SGCD: variants seen among roughly 807,000 people sequenced by gnomAD.
The protein encoded by SGCD is delta-sarcoglycan.
SGCD carries 18 observed loss-of-function variants against 36.6 expected under a neutral mutation model. The ratio of observed to expected loss-of-function variants is 0.49; its 90% confidence interval spans 0.34 to 0.73. The LOEUF (loss-of-function observed/expected upper bound fraction) is 0.73, where lower values mean the gene tolerates loss of function less well. Among genes scored for constraint, SGCD ranks in the 30% least tolerant of loss-of-function variants. The pLI, the probability that SGCD is intolerant of heterozygous loss-of-function variation, is 0.01. For synonymous variants in SGCD, 133 were observed against 130.6 expected (o/e 1.02, Z -0.12); for missense variants, 387 against 346.7 (o/e 1.12, Z -0.92).
intron 3 of SGCD, among the ~76,000 whole-genome samples, chr5:156,380,569 G>C (rs1430646981): frequency 9.2e-5 from 14 of 152,214 alleles, no homozygotes; most frequent in Admixed American, 9.2e-4. Flanking sequence ...CTTGTGTTTA[G>C]AAGTAGTGAT....
chr5:156,248,335 C>G (rs1202149233), intron 3 of SGCD, among the ~76,000 whole-genome samples: 2 of 152,098 alleles, frequency 1.3e-5, no homozygotes, highest in East Asian at 3.9e-4. Flanking sequence ...TCCTGGCCAA[C>G]ATGGTGAAAC....
intron 3 of SGCD, among the ~76,000 whole-genome samples, chr5:156,144,438 T>A (rs1762662182): frequency 6.6e-6 from 1 of 152,204 alleles, no homozygotes; most frequent in Non-Finnish European, 1.5e-5. Context: ...TTCTAACTGG[T>A]GTGAGATGGT....
At chr5:156,425,013 A>G (rs1358815545) in intron 3 of SGCD, among the ~76,000 whole-genome samples, 4 of 152,008 alleles carry the variant, frequency 2.6e-5, no homozygotes, top group East Asian at 1.9e-4. Flanking sequence ...CATAAACCCT[A>G]TTGTCGAGGA....
At chr5:155,907,780 A>ATTTTTTGAAATAAAT (rs1756549934) in intron 1 of SGCD, among the ~76,000 whole-genome samples, 1 of 152,176 alleles carries the variant, frequency 6.6e-6, no homozygotes, top group African/African-American at 2.4e-5. Flanking sequence ...TTTTGAAATA[A>ATTTTTTGAAATAAAT]CTAGAAAAGA....
chr5:156,166,788 A>G (rs545218249), intron 3 of SGCD, among the ~76,000 whole-genome samples: 1 of 152,120 alleles, frequency 6.6e-6, no homozygotes, highest in Non-Finnish European at 1.5e-5. Flanking sequence ...CCCACACATT[A>G]CTCAAACACT....
chr5:155,783,900 T>C, the SGCD span, among the ~76,000 whole-genome samples: 10 of 152,152 alleles, frequency 6.6e-5, no homozygotes, highest in African/African-American at 1.4e-4. Flanking sequence ...AGGTTGAACA[T>C]GGAGAGAAGG....
intron 3 of SGCD, among the ~76,000 whole-genome samples, chr5:156,153,670 T>C (rs1410419899): frequency 1.3e-5 from 2 of 151,588 alleles, no homozygotes; most frequent in Non-Finnish European, 2.9e-5. Flanking sequence ...CCTTGGGTGA[T>C]TTTGTAGCCA....
chr5:156,656,941 G>C (rs1267878307), intron 7 of SGCD, among the ~76,000 whole-genome samples: 1 of 152,118 alleles, frequency 6.6e-6, no homozygotes, highest in Non-Finnish European at 1.5e-5. Context: ...TAGTAAATCT[G>C]AACTCCTTTG....
At chr5:156,361,264 T>A (rs1343323718) in intron 3 of SGCD, among the ~76,000 whole-genome samples, 1 of 152,218 alleles carries the variant, frequency 6.6e-6, no homozygotes, top group Non-Finnish European at 1.5e-5. Context: ...AGAAAAATCT[T>A]GCACCAAAAG....
intron 3 of SGCD, among the ~76,000 whole-genome samples, chr5:156,383,491 G>A (rs1771108397): frequency 6.6e-6 from 1 of 152,018 alleles, no homozygotes. Flanking sequence ...GTGACAGGGT[G>A]AGGCTCCATC....
At chr5:156,087,812 A>C (rs1031624209) in intron 1 of SGCD, among the ~76,000 whole-genome samples, 6 of 152,116 alleles carry the variant, frequency 3.9e-5, no homozygotes, top group Non-Finnish European at 8.8e-5. Flanking sequence ...GGGATGGAGG[A>C]ACATAGAAGC....
the SGCD span, among the ~76,000 whole-genome samples, chr5:155,767,107 A>G: frequency 6.6e-6 from 1 of 152,178 alleles, no homozygotes; most frequent in African/African-American, 2.4e-5. Flanking sequence ...GCACATGTGA[A>G]TGCTAAAAAT....
In SGCD at chr5:156,087,273, A is replaced by C. The variant is rs143421113; in HGVS notation, c.-281-30605A>C. Among the ~76,000 whole-genome samples, 47 of 152,268 alleles carry C rather than the reference A, an allele frequency of 3.1e-4. 1 individual carries two copies. In the East Asian group the frequency reaches 7.9e-3, roughly 26 times the overall value. On this transcript the variant is annotated intron_variant, in intron 1 of 9. Coordinates refer to the SGCD transcript ENST00000517913. ...TTTAGGGCTAATGAGATATTTCCCA[A>C]GTTGTCTAGAATGTATTATATAACA... is the stretch of plus-strand genomic sequence containing the variant.
intron 1 of SGCD, among the ~76,000 whole-genome samples, chr5:155,894,193 A>G (rs982209863): frequency 6.6e-6 from 1 of 152,220 alleles, no homozygotes; most frequent in Non-Finnish European, 1.5e-5. Context: ...TTTCTTCAGT[A>G]AGAAATTAAC....
At chr5:156,168,667 T>C (rs1267151902) in intron 3 of SGCD, among the ~76,000 whole-genome samples, 2 of 152,228 alleles carry the variant, frequency 1.3e-5, no homozygotes, top group African/African-American at 2.4e-5. Flanking sequence ...TATTCAATTG[T>C]ATTTGTTCAT....
intron 7 of SGCD, among the ~76,000 whole-genome samples, chr5:156,703,623 A>C (rs1245510627): frequency 6.6e-6 from 1 of 152,214 alleles, no homozygotes; most frequent in African/African-American, 2.4e-5. Context: ...TGAATCATTT[A>C]TTCTTTTACT....
chr5:155,768,358 C>T, the SGCD span, among the ~76,000 whole-genome samples: 22 of 151,892 alleles, frequency 1.4e-4, no homozygotes, highest in African/African-American at 5.3e-4. Context: ...CCACTCATTC[C>T]TGCATTCATC....
chr5:156,186,831 A>G (rs1234899072), intron 3 of SGCD, among the ~76,000 whole-genome samples: 2 of 152,120 alleles, frequency 1.3e-5, no homozygotes, highest in Non-Finnish European at 2.9e-5. Context: ...ATTTTTATCC[A>G]ATTTGCTATG....
At chr5:156,581,825 G>A (rs1760274977) in intron 4 of SGCD, among the ~76,000 whole-genome samples, 1 of 152,204 alleles carries the variant, frequency 6.6e-6, no homozygotes, top group Non-Finnish European at 1.5e-5. Context: ...GGTACCATCT[G>A]AAATGGCTTC....
Sources: allele counts gnomAD v4.1 joint callset (sites outside exome capture counted in the v4.1 genomes callset), GRCh38; gene constraint gnomAD v4.1.1; transcripts MANE v1.5; gene names NCBI Gene and HGNC (gene_info 2026-07-23, HGNC 2026-07-21).